Variants in RORA observed in about 807,000 individuals in gnomAD.
RORA encodes nuclear receptor ROR-alpha.
RORA carries 7 observed loss-of-function variants against 69.5 expected under a neutral mutation model. The observed-to-expected ratio is 0.10, with a 90% CI of 0.06 to 0.19. The LOEUF is 0.19. RORA is among the 10% of genes least tolerant of loss of function. The pLI is 1.00. For synonymous variants in RORA, 261 were observed against 240.8 expected, an observed-to-expected ratio of 1.08 and a Z score of -0.78; for missense variants, 457 against 663.0, an observed-to-expected ratio of 0.69 and a Z score of 3.41.
rs202104479 is a variant in RORA, at chr15:60,505,512, T to C, written c.938A>G (p.Asn313Ser). 6 of 1,613,878 alleles carry C rather than the reference T, an allele frequency of 3.7e-6. No individual in the cohort carries two copies. The highest frequency in any genetic ancestry group is 5.1e-6 in the Non-Finnish European group (6 of 1,179,792). ...FLQEEIENYQ[N>S]KQREVMWQLC... The stretch of plus-strand genomic sequence containing the variant: ...GAAAAATTCCTCAGATCATACCTTG[T>C]TTTGATAGTTCTCAATTTCTTCCTG... The change falls in exon 6 of 11, where the codon AAC (asparagine) becomes AGC (serine). Residue 313 changes from asparagine to serine, a missense_variant. Around this residue, in one of 3 missense-constraint regions of RORA, gnomAD observed 304 missense variants for 447.4 expected, o/e 0.68. Transcript: ENST00000335670.
intron 1 of RORA, among the ~76,000 whole-genome samples, chr15:60,769,164 GA>G (rs2072034239): frequency 6.6e-6 from 1 of 152,114 alleles, no homozygotes; most frequent in South Asian, 2.1e-4. Flanking sequence ...TTAGTCCCAG[GA>G]AGTAAAGCAA....
intron 1 of RORA, among the ~76,000 whole-genome samples, chr15:60,852,015 C>A (rs2073330732): frequency 6.6e-6 from 1 of 152,150 alleles, no homozygotes; most frequent in Non-Finnish European, 1.5e-5. Context: ...ACTGAGCGAG[C>A]TGGGGAACAA....
At chr15:60,561,650 T>G (rs1187764934) in intron 2 of RORA, among the ~76,000 whole-genome samples, 1 of 152,066 alleles carries the variant, frequency 6.6e-6, no homozygotes, top group Non-Finnish European at 1.5e-5. Context: ...TACCAATACA[T>G]TTTGTTAAAG....
At chr15:60,884,836 A>G (rs1379993274) in intron 1 of RORA, among the ~76,000 whole-genome samples, 2 of 152,180 alleles carry the variant, frequency 1.3e-5, no homozygotes, top group Non-Finnish European at 2.9e-5. Flanking sequence ...AGCCCCCAAA[A>G]GAGCACGGGA....
intron 1 of RORA, among the ~76,000 whole-genome samples, chr15:60,750,886 G>A (rs750244367): frequency 6.6e-5 from 10 of 152,168 alleles, no homozygotes; most frequent in Non-Finnish European, 1.5e-4. Context: ...GTCATCTGAG[G>A]GGCGAAGGGC....
chr15:61,020,970 T>C (rs1326314294), intron 1 of RORA, among the ~76,000 whole-genome samples: 2 of 152,232 alleles, frequency 1.3e-5, no homozygotes, highest in African/African-American at 4.8e-5. Flanking sequence ...CATTTACTTT[T>C]TTCCACATAA....
At chr15:60,869,429 G>T (rs1188052628) in intron 1 of RORA, among the ~76,000 whole-genome samples, 1 of 152,170 alleles carries the variant, frequency 6.6e-6, no homozygotes, top group Non-Finnish European at 1.5e-5. Context: ...ACAGGAGAAG[G>T]AAAGGTGGTC....
At chr15:60,964,189 G>T (rs1391615153) in intron 1 of RORA, among the ~76,000 whole-genome samples, 1 of 152,184 alleles carries the variant, frequency 6.6e-6, no homozygotes, top group African/African-American at 2.4e-5. Context: ...CCCCTGAATG[G>T]TTTTCCCATT....
intron 2 of RORA, among the ~76,000 whole-genome samples, chr15:60,616,245 A>AATCCCATAAGGGTGTCCCAT (rs1290782239): frequency 8.5e-5 from 13 of 152,134 alleles, no homozygotes; most frequent in Non-Finnish European, 1.9e-4. Context: ...CAATTTGATA[A>AATCCCATAAGGGTGTCCCAT]AAGTGTTGAT....
intron 1 of RORA, among the ~76,000 whole-genome samples, chr15:61,169,596 GTTTC>G (rs2140891807): frequency 7.7e-6 from 1 of 130,444 alleles, no homozygotes; most frequent in South Asian, 2.4e-4. Context: ...TAGCCTTGAT[GTTTC>G]TTTATTGTTG....
chr15:60,843,673 C>T (rs945156669), intron 1 of RORA, among the ~76,000 whole-genome samples: 21 of 152,108 alleles, frequency 1.4e-4, no homozygotes, highest in African/African-American at 4.8e-4. Flanking sequence ...GCCAGGTTCT[C>T]GGAGGGTTAA....
At chr15:60,910,624 G>C (rs953897630) in intron 1 of RORA, among the ~76,000 whole-genome samples, 1 of 152,154 alleles carries the variant, frequency 6.6e-6, no homozygotes, top group Non-Finnish European at 1.5e-5. Context: ...GAGAGTTTAG[G>C]TGGCTCATCT....
intron 2 of RORA, among the ~76,000 whole-genome samples, chr15:60,567,752 G>A (rs544717161): frequency 6.6e-6 from 1 of 152,268 alleles, no homozygotes; most frequent in African/African-American, 2.4e-5. Flanking sequence ...ACCATTGCAT[G>A]AGTTCATACA....
chr15:60,666,102 C>T (rs979778976), intron 2 of RORA, among the ~76,000 whole-genome samples: 3 of 151,800 alleles, frequency 2.0e-5, no homozygotes, highest in African/African-American at 4.8e-5. Context: ...TTAAAATCTA[C>T]GGGTATTAAT....
intron 1 of RORA, among the ~76,000 whole-genome samples, chr15:61,181,863 G>T (rs988666754): frequency 6.6e-6 from 1 of 152,072 alleles, no homozygotes; most frequent in African/African-American, 2.4e-5. Context: ...CTGAGATTGG[G>T]TAACTAAAGG....
intron 1 of RORA, among the ~76,000 whole-genome samples, chr15:61,024,352 T>C (rs1004942357): frequency 1.4e-5 from 2 of 141,524 alleles, no homozygotes; most frequent in East Asian, 2.2e-4. Context: ...GGTTCAGTCA[T>C]AGTTCGGTGA....
At chr15:60,553,039 C>T (rs1242471180) in intron 2 of RORA, among the ~76,000 whole-genome samples, 1 of 152,184 alleles carries the variant, frequency 6.6e-6, no homozygotes, top group African/African-American at 2.4e-5. Context: ...ACAGAGATAA[C>T]AGTACCTACT....
At chr15:60,781,341 C>T (rs748467681) in intron 1 of RORA, among the ~76,000 whole-genome samples, 10 of 152,292 alleles carry the variant, frequency 6.6e-5, no homozygotes, top group South Asian at 2.1e-4. Flanking sequence ...TGAGGCCACA[C>T]ACATAAGCGA....
intron 1 of RORA, among the ~76,000 whole-genome samples, chr15:60,957,822 TCTTCTC>T (rs1801649502): frequency 6.6e-6 from 1 of 152,224 alleles, no homozygotes; most frequent in Non-Finnish European, 1.5e-5. Flanking sequence ...TGCTACATTT[TCTTCTC>T]AAATATAAAT....
Sources: allele counts gnomAD v4.1 joint callset (sites outside exome capture counted in the v4.1 genomes callset), GRCh38; gene constraint gnomAD v4.1.1; regional missense constraint gnomAD v4.1.1; transcripts MANE v1.5; gene names NCBI Gene and HGNC (gene_info 2026-07-23, HGNC 2026-07-21).